PCDH15: variants seen among roughly 807,000 people sequenced by gnomAD.
The protein encoded by PCDH15 is protocadherin-15.
PCDH15 carries 129 observed loss-of-function variants against 178.5 expected under a neutral mutation model. The observed-to-expected ratio is 0.72, with a 90% CI of 0.63 to 0.84. PCDH15 has a LOEUF of 0.84. Among genes scored for constraint, PCDH15 ranks in the 40% least tolerant of loss-of-function variants. The pLI, the probability that PCDH15 is intolerant of heterozygous loss-of-function variation, is 0.00. For missense variants in PCDH15, 2,230 were observed against 2,099.9 expected, an observed-to-expected ratio of 1.06 and a Z score of -1.21; for synonymous variants, 800 against 732.0, an observed-to-expected ratio of 1.09 and a Z score of -1.50.
At chr10:54,576,136 C>T (rs201588566) in intron 2 of PCDH15, among the ~76,000 whole-genome samples, 15 of 152,074 alleles carry the variant, frequency 9.9e-5, no homozygotes, top group African/African-American at 1.7e-4. Flanking sequence ...CGTATGTATC[C>T]ATCTATCTAT....
intron 11 of PCDH15, among the ~76,000 whole-genome samples, chr10:54,189,190 A>T (rs1279116363): frequency 2.6e-5 from 4 of 152,004 alleles, no homozygotes; most frequent in Non-Finnish European, 5.9e-5. Flanking sequence ...AAATATTTTT[A>T]AATTTTAAAC....
At chr10:55,164,874 A>G (rs181722465) in intron 2 of PCDH15, among the ~76,000 whole-genome samples, 16 of 152,210 alleles carry the variant, frequency 1.1e-4, no homozygotes, top group African/African-American at 3.4e-4. Flanking sequence ...TACTTACCCT[A>G]ATCCTTCAAG....
intron 3 of PCDH15, among the ~76,000 whole-genome samples, chr10:54,383,395 C>T (rs1949478574): frequency 6.6e-6 from 1 of 152,054 alleles, no homozygotes; most frequent in Admixed American, 6.6e-5. Flanking sequence ...AAAAGTCATA[C>T]TACTAAGATC....
intron 21 of PCDH15, among the ~76,000 whole-genome samples, chr10:53,971,549 A>T (rs1176062959): frequency 6.6e-6 from 1 of 152,196 alleles, no homozygotes; most frequent in Admixed American, 6.5e-5. Context: ...CCATCATCTC[A>T]GCCCAAAACC....
intron 32 of PCDH15, chr10:53,821,976 G>A (rs370762593): frequency 6.2e-7 from 1 of 1,613,824 alleles, no homozygotes; most frequent in Non-Finnish European, 8.5e-7. Context: ...AGGGCACATA[G>A]TTTGAAGTTC....
At chr10:54,359,623 A>T (rs949202675) in intron 5 of PCDH15, among the ~76,000 whole-genome samples, 1 of 152,012 alleles carries the variant, frequency 6.6e-6, no homozygotes, top group African/African-American at 2.4e-5. Flanking sequence ...TTTTATAAAT[A>T]TAATGCACAT....
chr10:55,106,518 C>A (rs1842677539), intron 2 of PCDH15, among the ~76,000 whole-genome samples: 1 of 152,118 alleles, frequency 6.6e-6, no homozygotes, highest in Admixed American at 6.6e-5. Context: ...TGGGTTCAAG[C>A]TATTCTCCTG....
At chr10:53,901,279 A>T (rs149799910) in intron 26 of PCDH15, among the ~76,000 whole-genome samples, 26 of 152,134 alleles carry the variant, frequency 1.7e-4, no homozygotes, top group African/African-American at 6.0e-4. Flanking sequence ...GTATTGAAAA[A>T]GCCTCCCAAA....
At position 55,429,742 on chromosome 10, in the gene PCDH15, A is replaced by G. The variant is rs1838839542; in HGVS notation, c.-156+197883T>C. ...TAATCAGTAACAATCTAGTCTAGCT[A>G]CAGTTTAATATGAAACATTAGGAAC... is the stretch of plus-strand genomic sequence containing the variant. On this transcript the variant is annotated intron_variant, in intron 2 of 5. Coordinates refer to the PCDH15 transcript ENST00000613346. Among the ~76,000 whole-genome samples the G allele has an allele frequency of 2.6e-5, 4 of 152,184 alleles. No homozygotes were observed. In the South Asian group the frequency reaches 8.3e-4, roughly 31 times the overall value.
intron 1 of PCDH15, among the ~76,000 whole-genome samples, chr10:54,674,833 A>G (rs1403113592): frequency 6.6e-6 from 1 of 152,060 alleles, no homozygotes; most frequent in Non-Finnish European, 1.5e-5. Context: ...CCAAGGGTCA[A>G]TTGTGTGTAA....
At chr10:54,199,198 G>A (rs2049986692) in intron 10 of PCDH15, among the ~76,000 whole-genome samples, 1 of 151,912 alleles carries the variant, frequency 6.6e-6, no homozygotes, top group Admixed American at 6.6e-5. Context: ...TTGCTACTAT[G>A]TATTTTGTTC....
At chr10:55,324,687 A>G (rs769471524) in intron 2 of PCDH15, among the ~76,000 whole-genome samples, 2 of 151,444 alleles carry the variant, frequency 1.3e-5, no homozygotes, top group Non-Finnish European at 2.9e-5. Context: ...GAAAACTACA[A>G]TTTTTTTTTA....
chr10:55,004,307 T>C (rs1839870712), intron 2 of PCDH15, among the ~76,000 whole-genome samples: 2 of 152,098 alleles, frequency 1.3e-5, no homozygotes, highest in Non-Finnish European at 2.9e-5. Context: ...TTTCTCACGA[T>C]TGAGAAATTG....
chr10:54,453,188 A>C (rs868273011), intron 3 of PCDH15, among the ~76,000 whole-genome samples: 1 of 152,280 alleles, frequency 6.6e-6, no homozygotes, highest in Middle Eastern at 3.4e-3. Context: ...ACATGCTGCT[A>C]TAAAGACACA....
chr10:54,766,450 AG>A (rs1948519677), intron 1 of PCDH15, among the ~76,000 whole-genome samples: 1 of 152,046 alleles, frequency 6.6e-6, no homozygotes, highest in Admixed American at 6.6e-5. Context: ...GCTTATTATT[AG>A]TTAATTTATA....
intron 2 of PCDH15, among the ~76,000 whole-genome samples, chr10:55,559,587 T>C (rs182972928): frequency 7.2e-5 from 11 of 152,112 alleles, no homozygotes; most frequent in Admixed American, 7.2e-4. Context: ...GGTTTGTTTT[T>C]ACTAGTTTTA....
At chr10:54,971,479 T>G (rs1007860786) in intron 2 of PCDH15, among the ~76,000 whole-genome samples, 1 of 152,186 alleles carries the variant, frequency 6.6e-6, no homozygotes, top group Admixed American at 6.5e-5. Context: ...TCCAGAACAG[T>G]AAGAAATAAA....
At chr10:54,275,570 T>C (rs1288553831) in intron 8 of PCDH15, among the ~76,000 whole-genome samples, 2 of 151,822 alleles carry the variant, frequency 1.3e-5, no homozygotes, top group African/African-American at 2.4e-5. Flanking sequence ...ACAGGAAATG[T>C]CCAAGTCATA....
rs1261732357 is a variant in PCDH15 at position 54,197,748 on chromosome 10, G to A, written c.1099-1859C>T. 3.9e-5 allele frequency among the ~76,000 whole-genome samples: 6 copies of A among 152,010 alleles called. No homozygotes were observed. The East Asian group carries it at 1.2e-3, about 29-fold the overall frequency. On this transcript the variant is annotated intron_variant, in intron 10 of 37. Coordinates refer to ENST00000644397, the MANE Select transcript of PCDH15 (RefSeq NM_001384140.1). ...GTAACAAACTACAGTGATATTGGTA[G>A]GGATTGCTGACTTTTCACCAAGAAA...
Sources: allele counts gnomAD v4.1 joint callset (sites outside exome capture counted in the v4.1 genomes callset), GRCh38; gene constraint gnomAD v4.1.1; transcripts MANE v1.5; gene names NCBI Gene and HGNC (gene_info 2026-07-23, HGNC 2026-07-21).